TACR1: variants seen among roughly 807,000 people sequenced by gnomAD.
The protein encoded by TACR1 is tachykinin receptor 1, also known as substance-P receptor.
Under a neutral mutation model 35.8 loss-of-function variants are expected in TACR1, and 25 were observed. The observed-to-expected ratio is 0.70, with a 90% CI of 0.51 to 0.98. The LOEUF is 0.98. Among genes scored for constraint, TACR1 ranks in the 50% least tolerant of loss-of-function variants. TACR1 has a pLI of 0.00. For synonymous variants in TACR1, 195 were observed against 206.7 expected (o/e 0.94, Z 0.48); for missense variants, 478 against 522.9 (o/e 0.91, Z 0.84).
chr2:75,069,917 C>G (rs752588223), intron 2 of TACR1, among the ~76,000 whole-genome samples: 1 of 151,998 alleles, frequency 6.6e-6, no homozygotes, highest in African/African-American at 2.4e-5. Flanking sequence ...TTCTTTCTTT[C>G]CATACTCTAA....
chr2:75,074,604 A>G lies in TACR1; in HGVS notation c.585-20849T>C, dbSNP rs1435347014. Among the ~76,000 whole-genome samples the G allele has an allele frequency of 2.6e-5, 4 of 152,174 alleles. No homozygotes were observed. In the East Asian group the frequency reaches 7.7e-4, roughly 29 times the overall value. The stretch of plus-strand genomic sequence containing the variant: ...GGAATACACTATAATAAAAAGTAAT[A>G]TGACCCAGATTTTTCTTTTAAAGTG... On this transcript the variant is annotated intron_variant, in intron 2 of 4. Transcript: ENST00000305249.
intron 2 of TACR1, among the ~76,000 whole-genome samples, chr2:75,071,026 A>C (rs1672866701): frequency 6.6e-6 from 1 of 152,182 alleles, no homozygotes; most frequent in Non-Finnish European, 1.5e-5. Flanking sequence ...TTCAAGTGTC[A>C]ATATCTGTAA....
intron 2 of TACR1, among the ~76,000 whole-genome samples, chr2:75,094,012 A>T (rs558623995): frequency 1.6e-4 from 24 of 152,130 alleles, no homozygotes; most frequent in African/African-American, 5.3e-4. Flanking sequence ...GAGTCTTTGA[A>T]CTCTGAACAG....
At chr2:75,142,398 T>C (rs1195551594) in intron 1 of TACR1, among the ~76,000 whole-genome samples, 1 of 152,228 alleles carries the variant, frequency 6.6e-6, no homozygotes, top group Non-Finnish European at 1.5e-5. Context: ...CAAACAAGTC[T>C]AGTGTATGTT....
chr2:75,090,273 C>T (rs926146931), intron 2 of TACR1, among the ~76,000 whole-genome samples: 3 of 152,194 alleles, frequency 2.0e-5, no homozygotes, highest in African/African-American at 7.2e-5. Flanking sequence ...TAAGGCCCCC[C>T]AACCATCTAA....
At chr2:75,101,936 T>A (rs1209888168) in intron 2 of TACR1, among the ~76,000 whole-genome samples, 1 of 151,792 alleles carries the variant, frequency 6.6e-6, no homozygotes, top group Non-Finnish European at 1.5e-5. Context: ...GGAGTGAGAC[T>A]CTGTCTCTCC....
At position 75,124,019 on chromosome 2, in the gene TACR1, G is replaced by A. The variant is rs537413257; in HGVS notation, c.390-3251C>T. On this transcript the variant is annotated intron_variant, in intron 1 of 4. Coordinates refer to ENST00000305249, the MANE Select transcript of TACR1 (RefSeq NM_001058.4). Reference sequence around the variant, plus strand: ...CTGCACCGTGCTCGTGGGACTCTAAGGCAGTCAATGAAACGTCTTTCTGGT... The same window carrying A: ...CTGCACCGTGCTCGTGGGACTCTAAAGCAGTCAATGAAACGTCTTTCTGGT... 3.9e-5 allele frequency among the ~76,000 whole-genome samples: 6 copies of A among 152,266 alleles called. No homozygotes were observed. In the East Asian group the frequency reaches 1.2e-3, roughly 29 times the overall value.
intron 2 of TACR1, among the ~76,000 whole-genome samples, chr2:75,083,701 A>G (rs1673136401): frequency 1.3e-5 from 2 of 152,116 alleles, no homozygotes; most frequent in African/African-American, 4.8e-5. Flanking sequence ...GTGAATGGGA[A>G]TTCACTCATG....
At chr2:75,194,194 C>T (rs934929829) in intron 1 of TACR1, among the ~76,000 whole-genome samples, 1 of 151,928 alleles carries the variant, frequency 6.6e-6, no homozygotes, top group Admixed American at 6.6e-5. Flanking sequence ...CGGAGCAGCT[C>T]CAGAGAGGAG....
intron 1 of TACR1, among the ~76,000 whole-genome samples, chr2:75,191,866 G>A (rs571439212): frequency 6.6e-6 from 1 of 152,238 alleles, no homozygotes; most frequent in East Asian, 1.9e-4. Flanking sequence ...CTCTGTGCCA[G>A]GCACTTGGAT....
At chr2:75,065,709 T>A (rs961022272) in intron 2 of TACR1, among the ~76,000 whole-genome samples, 1 of 152,176 alleles carries the variant, frequency 6.6e-6, no homozygotes, top group Non-Finnish European at 1.5e-5. Context: ...AATCAGCTTA[T>A]TTTTGGTGGG....
chr2:75,169,953 A>G (rs1473844746), intron 1 of TACR1, among the ~76,000 whole-genome samples: 2 of 152,080 alleles, frequency 1.3e-5, no homozygotes, highest in Non-Finnish European at 2.9e-5. Context: ...ACTACCTTCA[A>G]TGCAATTTTA....
intron 1 of TACR1, among the ~76,000 whole-genome samples, chr2:75,152,799 G>T (rs1358768901): frequency 6.6e-6 from 1 of 152,254 alleles, no homozygotes; most frequent in Non-Finnish European, 1.5e-5. Flanking sequence ...CTAAGGGGTT[G>T]TTCCTTAGGA....
intron 1 of TACR1, among the ~76,000 whole-genome samples, chr2:75,133,875 T>G (rs1674226650): frequency 6.6e-6 from 1 of 152,136 alleles, no homozygotes; most frequent in African/African-American, 2.4e-5. Flanking sequence ...AAGATACAGT[T>G]CATTAAGACC....
intron 1 of TACR1, among the ~76,000 whole-genome samples, chr2:75,183,668 T>C (rs1017292365): frequency 2.0e-5 from 3 of 152,174 alleles, no homozygotes; most frequent in African/African-American, 4.8e-5. Context: ...CGAAGCTGGC[T>C]TTTGCCTTGA....
intron 1 of TACR1, among the ~76,000 whole-genome samples, chr2:75,125,774 C>T (rs1036810616): frequency 1.3e-5 from 2 of 152,196 alleles, no homozygotes; most frequent in Non-Finnish European, 2.9e-5. Flanking sequence ...CCAGGATCAT[C>T]CTGAAGGAGT....
At chr2:75,113,074 T>C (rs1349513634) in intron 2 of TACR1, among the ~76,000 whole-genome samples, 1 of 152,210 alleles carries the variant, frequency 6.6e-6, no homozygotes, top group Non-Finnish European at 1.5e-5. Context: ...ATAAGAGTAT[T>C]TGAAAGATTT....
At chr2:75,121,411 T>G (rs1489284415) in intron 1 of TACR1, among the ~76,000 whole-genome samples, 1 of 152,170 alleles carries the variant, frequency 6.6e-6, no homozygotes, top group African/African-American at 2.4e-5. Context: ...GCAGACAGAC[T>G]AGAGTGCACA....
Position 75,194,394 on chromosome 2 carries a change from C to T in TACR1, c.389+4152G>A, listed in dbSNP as rs570231723. On this transcript the variant is annotated intron_variant, in intron 1 of 4. Coordinates refer to ENST00000305249, the MANE Select transcript of TACR1 (RefSeq NM_001058.4). ...ATGGTAATGGGTTTCCAGGGCCATCCGAATTAGTGCAAAGGATCCTGGAAT... is the reference window on the plus strand; with the variant it reads ...ATGGTAATGGGTTTCCAGGGCCATCTGAATTAGTGCAAAGGATCCTGGAAT... 5.9e-5 allele frequency among the ~76,000 whole-genome samples: 9 copies of T among 152,266 alleles called. No individual in the cohort carries two copies. The East Asian group carries it at 9.7e-4, about 16-fold the overall frequency.
Sources: allele counts gnomAD v4.1 joint callset (sites outside exome capture counted in the v4.1 genomes callset), GRCh38; gene constraint gnomAD v4.1.1; transcripts MANE v1.5; gene names NCBI Gene and HGNC (gene_info 2026-07-23, HGNC 2026-07-21).